Variants in RASAL2 observed in about 807,000 individuals in gnomAD.
The protein encoded by RASAL2 is ras GTPase-activating protein nGAP.
A neutral mutation model predicts 128.9 loss-of-function variants in RASAL2; 58 were observed. That is an observed-to-expected ratio of 0.45 (90% confidence interval 0.36 to 0.56). RASAL2 has a LOEUF of 0.56. RASAL2 is among the 20% of genes least tolerant of loss of function. The pLI is 0.00. For synonymous variants in RASAL2, 561 were observed against 580.8 expected (o/e 0.97, Z 0.49); for missense variants, 1,360 against 1,601.6 (o/e 0.85, Z 2.57).
At chr1:178,399,656 T>A (rs1673488149) in intron 4 of RASAL2, among the ~76,000 whole-genome samples, 1 of 152,218 alleles carries the variant, frequency 6.6e-6, no homozygotes, top group African/African-American at 2.4e-5. Flanking sequence ...AAAGGCAGCA[T>A]GGCAAGTGGA....
At position 178,300,039 on chromosome 1, in the gene RASAL2, G is replaced by A. The variant is rs754906208; in HGVS notation, c.378G>A (p.Gly126=). 1 of 1,613,954 alleles carries A rather than the reference G, an allele frequency of 6.2e-7. No individual in the cohort carries two copies. The highest frequency in any genetic ancestry group is 1.1e-5 in the South Asian group (1 of 91,080). ...GQEQQTDSTK[G]RCLRRTVSVP... is the part of the protein sequence containing the mutation. Reference sequence around the variant, plus strand: ...AGCAGCAGACAGATTCCACCAAAGGGCGATGCCTGAGGAGAACTGTCAGTG... The same window carrying A: ...AGCAGCAGACAGATTCCACCAAAGGACGATGCCTGAGGAGAACTGTCAGTG... Residue 126 remains glycine (G), a synonymous_variant, in exon 3 of 18, where the codon GGG becomes GGA. Transcript: ENST00000367649.
chr1:178,275,971 T>A (rs1252686080), intron 1 of RASAL2, among the ~76,000 whole-genome samples: 1 of 152,232 alleles, frequency 6.6e-6, no homozygotes. Context: ...TGTGGTCTCA[T>A]AGTAAATTTA....
At chr1:178,138,640 A>G (rs1571531228) in intron 1 of RASAL2, among the ~76,000 whole-genome samples, 2 of 152,074 alleles carry the variant, frequency 1.3e-5, no homozygotes, top group Admixed American at 6.6e-5. Flanking sequence ...TTCACATTCT[A>G]AGGGCTCTGA....
intron 3 of RASAL2, among the ~76,000 whole-genome samples, chr1:178,342,598 G>A (rs1669943143): frequency 6.6e-6 from 1 of 152,120 alleles, no homozygotes; most frequent in Non-Finnish European, 1.5e-5. Context: ...TTCAGTGAAG[G>A]AAAATTAGTT....
rs182878860 is a variant in RASAL2, at chr1:178,289,165, G to A, written c.330+5474G>A. ...TAAGCTCACTAGTGACCTTCCCATT[G>A]TTAAATTCAGTGGTCAGTTCTCAGT... On this transcript the variant is annotated intron_variant, in intron 2 of 17. Transcript: ENST00000367649. Among the ~76,000 whole-genome samples, 113 of 152,228 alleles carry A rather than the reference G, an allele frequency of 7.4e-4. 1 individual carries two copies. The highest frequency in any genetic ancestry group is 3.4e-3 in the Middle Eastern group (1 of 294).
At position 178,452,635 on chromosome 1, in the gene RASAL2, C is replaced by T; in HGVS notation, c.1992C>T (p.Asn664=). Residue 664 remains asparagine, a synonymous_variant, in exon 11 of 18, where the codon AAC becomes AAT. Coordinates refer to ENST00000367649, the MANE Select transcript of RASAL2 (RefSeq NM_170692.4). ...CTCTTATTGCCAAGGTCATTCAGAA[C>T]CTGGCCAACTTTGCCAAGTAGGTGA... ...TLTLIAKVIQ[N]LANFAKFGNK... 3.1e-6 allele frequency: 5 copies of T among 1,613,352 alleles called. No homozygotes were observed. Among genetic ancestry groups the T allele is most frequent in the Non-Finnish European group, 4.2e-6 (5 of 1,179,326 alleles).
At position 178,454,531 on chromosome 1, in the gene RASAL2, G is replaced by C; in HGVS notation, c.2094G>C (p.Glu698Asp). Residue 698 changes from glutamate (E) to aspartate (D), a missense_variant, in exon 12 of 18, where the codon GAG (glutamate) becomes GAC (aspartate). This residue lies in a region of RASAL2 where 741 missense variants were observed against 868.6 expected (regional missense o/e 0.85). Coordinates refer to ENST00000367649, the MANE Select transcript of RASAL2 (RefSeq NM_170692.4). Reference protein sequence around the residue: ...EWGGMKRFLLEISNPDTISNT... With the variant: ...EWGGMKRFLLDISNPDTISNT... ...GTGGAATGAAGCGCTTTCTTTTGGA[G>C]ATCTCTAATCCAGACACCATCTCAA... 1 of 1,613,672 alleles carries C rather than the reference G, an allele frequency of 6.2e-7. No homozygotes were observed. Among genetic ancestry groups the C allele is most frequent in the African/African-American group, 1.3e-5 (1 of 75,006 alleles).
chr1:178,369,612 T>G (rs1386895973), intron 3 of RASAL2, among the ~76,000 whole-genome samples: 2 of 152,194 alleles, frequency 1.3e-5, no homozygotes, highest in African/African-American at 4.8e-5. Flanking sequence ...TACAGTGTTT[T>G]CTTTGTTAAA....
intron 3 of RASAL2, among the ~76,000 whole-genome samples, chr1:178,303,079 A>C (rs1667838826): frequency 6.6e-6 from 1 of 152,124 alleles, no homozygotes; most frequent in Admixed American, 6.6e-5. Context: ...AGTGAAATAG[A>C]ATAGAGAGTC....
chr1:178,395,087 C>T (rs1208639624), intron 4 of RASAL2, among the ~76,000 whole-genome samples: 2 of 152,126 alleles, frequency 1.3e-5, no homozygotes, highest in East Asian at 3.9e-4. Flanking sequence ...TTAATAAAGA[C>T]TAGTAAGTGT....
chr1:178,255,154 C>G (rs1665268986), intron 1 of RASAL2, among the ~76,000 whole-genome samples: 2 of 152,072 alleles, frequency 1.3e-5, no homozygotes, highest in Admixed American at 6.5e-5. Flanking sequence ...GAAACAAAAA[C>G]TGAGACAAAT....
rs1571951309 is a variant in RASAL2, at chr1:178,373,332, G to A, written c.458-16768G>A. Among the ~76,000 whole-genome samples, 3 of 121,816 alleles carry A rather than the reference G, an allele frequency of 2.5e-5. No homozygotes were observed. In the East Asian group the frequency reaches 8.5e-4, roughly 35 times the overall value. The allele number at this position is 121,816 out of a possible 152,430, so 79.9% of individuals were successfully genotyped here. On this transcript the variant is annotated intron_variant, in intron 3 of 17. Transcript: ENST00000367649. Reference sequence around the variant, plus strand: ...GGTCATCCTAATCAGGTCTTCCTAGGTACATATATTTAGATACTAACCCGA... The same window carrying A: ...GGTCATCCTAATCAGGTCTTCCTAGATACATATATTTAGATACTAACCCGA...
At chr1:178,250,587 C>A (rs1665002280) in intron 1 of RASAL2, among the ~76,000 whole-genome samples, 1 of 152,154 alleles carries the variant, frequency 6.6e-6, no homozygotes, top group South Asian at 2.1e-4. Flanking sequence ...GTAAACAGTG[C>A]TGTCTTGCTG....
intron 4 of RASAL2, among the ~76,000 whole-genome samples, chr1:178,401,658 A>G (rs1309970671): frequency 6.6e-6 from 1 of 152,192 alleles, no homozygotes; most frequent in Non-Finnish European, 1.5e-5. Flanking sequence ...TCTAAAAAAT[A>G]CTAATACTAA....
At chr1:178,354,679 A>G (rs1293124800) in intron 3 of RASAL2, among the ~76,000 whole-genome samples, 14 of 152,264 alleles carry the variant, frequency 9.2e-5, no homozygotes, top group Non-Finnish European at 1.5e-5. Context: ...GATCAACAAT[A>G]AACTGAAAGC....
intron 1 of RASAL2, among the ~76,000 whole-genome samples, chr1:178,209,813 T>G (rs73033406): frequency 0.049 from 7,447 of 152,094 alleles, 261 homozygotes; most frequent in African/African-American, 0.1. Flanking sequence ...TATATTATAT[T>G]TTGCTTTTCT....
intron 1 of RASAL2, among the ~76,000 whole-genome samples, chr1:178,163,253 C>T (rs60884448): frequency 0.014 from 2,054 of 152,054 alleles, 47 homozygotes; most frequent in African/African-American, 0.046. Flanking sequence ...GGCATGAGCC[C>T]CTGTGTCTTT....
chr1:178,410,412 T>A (rs1030609542), intron 4 of RASAL2, among the ~76,000 whole-genome samples: 10 of 152,106 alleles, frequency 6.6e-5, no homozygotes, highest in African/African-American at 2.4e-4. Flanking sequence ...CCTGAAACCA[T>A]AAGAATTCTA....
chr1:178,193,029 A>G (rs892972085), intron 1 of RASAL2, among the ~76,000 whole-genome samples: 1 of 152,188 alleles, frequency 6.6e-6, no homozygotes, highest in African/African-American at 2.4e-5. Flanking sequence ...AAAAAAACAA[A>G]GGCTCTTAGT....
Sources: gnomAD v4.1 joint callset for allele counts (sites outside exome capture counted in the v4.1 genomes callset) on GRCh38, gnomAD v4.1.1 for gene constraint, gnomAD v4.1.1 regional missense constraint, MANE v1.5 for transcripts, NCBI Gene and HGNC (gene_info 2026-07-23, HGNC 2026-07-21) for gene names.